PRDM11: variants seen among roughly 807,000 people sequenced by gnomAD.
The protein encoded by PRDM11 is PR/SET domain 11.
Under a neutral mutation model 97.8 loss-of-function variants are expected in PRDM11, and 20 were observed. That is an observed-to-expected ratio of 0.20 (90% CI 0.14 to 0.30). The LOEUF (loss-of-function observed/expected upper bound fraction) is 0.30, where lower values mean the gene tolerates loss of function less well. Among genes scored for constraint, PRDM11 ranks in the 10% least tolerant of loss-of-function variants. The pLI, the probability that PRDM11 is intolerant of heterozygous loss-of-function variation, is 1.00. For synonymous variants in PRDM11, 599 were observed against 637.7 expected, an observed-to-expected ratio of 0.94 and a Z score of 0.91; for missense variants, 1,139 against 1,555.2, an observed-to-expected ratio of 0.73 and a Z score of 4.50.
At chr11:45,167,022 C>T (rs556231333) in intron 1 of PRDM11, among the ~76,000 whole-genome samples, 1 of 152,290 alleles carries the variant, frequency 6.6e-6, no homozygotes, top group East Asian at 1.9e-4. Flanking sequence ...TTGTTTGTTA[C>T]TCTTGTGAGA....
intron 4 of PRDM11, among the ~76,000 whole-genome samples, chr11:45,194,547 A>G: frequency 7.1e-6 from 1 of 140,428 alleles, no homozygotes; most frequent in Non-Finnish European, 1.5e-5. Context: ...GTACTAAATG[A>G]TTTGTATATC....
At chr11:45,168,022 G>C (rs2135713984) in intron 1 of PRDM11, among the ~76,000 whole-genome samples, 1 of 152,348 alleles carries the variant, frequency 6.6e-6, no homozygotes, top group East Asian at 1.9e-4. Context: ...TTTCAGACAA[G>C]TTTCAGGAGA....
At chr11:45,104,838 T>A (rs576503252) in intron 1 of PRDM11, among the ~76,000 whole-genome samples, 1 of 152,260 alleles carries the variant, frequency 6.6e-6, no homozygotes, top group African/African-American at 2.4e-5. Flanking sequence ...GGGTTCTCGA[T>A]GCCTTGTGAT....
chr11:45,148,628 T>G (rs1190629215), intron 1 of PRDM11, among the ~76,000 whole-genome samples: 4 of 152,176 alleles, frequency 2.6e-5, no homozygotes, highest in Non-Finnish European at 4.4e-5. Flanking sequence ...ATGATAGCCA[T>G]CACCTCTGCA....
intron 1 of PRDM11, among the ~76,000 whole-genome samples, chr11:45,103,764 A>G (rs1004352274): frequency 4.7e-5 from 7 of 147,946 alleles, no homozygotes; most frequent in African/African-American, 1.7e-4. Flanking sequence ...TATAATATAT[A>G]ACATATATAT....
intron 1 of PRDM11, among the ~76,000 whole-genome samples, chr11:45,175,744 C>A (rs770747193): frequency 2.6e-5 from 4 of 152,098 alleles, no homozygotes; most frequent in Non-Finnish European, 5.9e-5. Flanking sequence ...GCCAAATTAC[C>A]CTCCAGAAAG....
chr11:45,178,083 G>A (rs748777737), intron 1 of PRDM11, among the ~76,000 whole-genome samples: 12 of 152,066 alleles, frequency 7.9e-5, no homozygotes, highest in Non-Finnish European at 1.6e-4. Context: ...ACAGGAAAAC[G>A]TTTATATGCC....
intron 1 of PRDM11, among the ~76,000 whole-genome samples, chr11:45,169,016 C>G (rs1187617762): frequency 6.6e-6 from 1 of 152,206 alleles, no homozygotes; most frequent in Non-Finnish European, 1.5e-5. Context: ...CTTCAGGGCC[C>G]TCTTCCACAG....
In PRDM11 at chr11:45,227,722, C is replaced by A. The variant is rs988604565; in HGVS notation, c.3097C>A (p.Pro1033Thr). The A allele has an allele frequency of 3.9e-6, 6 of 1,533,688 alleles. No individual in the cohort carries two copies. In the African/African-American group the frequency reaches 8.2e-5, roughly 21 times the overall value. ...GGATGTCTGTAGGGAAGGGCTGGAC[C>A]CCCGGGGTAGTCTGTTGATGGAGTG... is the stretch of plus-strand genomic sequence containing the variant. ...SRDVCREGLD[P>T]RGSLLMEWRE... Residue 1033 changes from proline (P) to threonine (T), a missense_variant, in exon 8 of 8, where the codon CCC (proline) becomes ACC (threonine). Pro to Thr is a conservative substitution (Grantham distance 38, BLOSUM62 -1). This residue lies in a region of PRDM11 where 710 missense variants were observed against 1,044.9 expected (regional missense o/e 0.68). Coordinates refer to ENST00000683152, the MANE Select transcript of PRDM11 (RefSeq NM_001384648.1). This position sits in a 1 kb window ranked among gnomAD's most constrained non-coding sequence, Gnocchi z 8.0.
intron 1 of PRDM11, among the ~76,000 whole-genome samples, chr11:45,171,053 T>G (rs1852190415): frequency 6.6e-6 from 1 of 152,120 alleles, no homozygotes; most frequent in Admixed American, 6.6e-5. Context: ...TCCTAGAAGT[T>G]GTAGGATTGA....
rs778489212 is a variant in PRDM11, at chr11:45,224,793, C to T, written c.1319C>T (p.Pro440Leu). The change falls in exon 7 of 8, where the codon CCC (proline) becomes CTC (leucine). Residue 440 changes from proline to leucine, a missense_variant. Physicochemically the swap from Pro to Leu is moderately conservative, Grantham distance 98. Around this residue, in one of 2 missense-constraint regions of PRDM11, gnomAD observed 710 missense variants for 1,044.9 expected, o/e 0.68. Transcript: ENST00000683152. The part of the protein sequence containing the change: ...MLKSGKLPEP[P>L]VLPPQVLELP... ...AAGTCTGGGAAACTTCCTGAGCCCC[C>T]CGTATTGCCACCACAGGTACTGGAG... is the stretch of plus-strand genomic sequence containing the variant. 1 of 1,614,200 alleles carries T rather than the reference C, an allele frequency of 6.2e-7. No individual in the cohort carries two copies. Among genetic ancestry groups the T allele is most frequent in the Non-Finnish European group, 8.5e-7 (1 of 1,180,038 alleles).
At chr11:45,186,023 G>A (rs1565302666) in intron 4 of PRDM11, among the ~76,000 whole-genome samples, 1 of 151,964 alleles carries the variant, frequency 6.6e-6, no homozygotes, top group Non-Finnish European at 1.5e-5. Flanking sequence ...GGCAGCTTCT[G>A]GAAGCCAGAA....
At chr11:45,098,521 C>T (rs1246130762) in intron 1 of PRDM11, among the ~76,000 whole-genome samples, 1 of 152,132 alleles carries the variant, frequency 6.6e-6, no homozygotes, top group Non-Finnish European at 1.5e-5. Flanking sequence ...TTCCACTTTA[C>T]AGGTGGGAAA....
chr11:45,176,408 T>C (rs935604983), intron 1 of PRDM11, among the ~76,000 whole-genome samples: 2 of 152,154 alleles, frequency 1.3e-5, no homozygotes, highest in African/African-American at 4.8e-5. Flanking sequence ...CATGTGCACA[T>C]CTGATGTCTG....
chr11:45,165,530 C>G (rs755411016), intron 1 of PRDM11, among the ~76,000 whole-genome samples: 1 of 152,294 alleles, frequency 6.6e-6, no homozygotes, highest in East Asian at 1.9e-4. Flanking sequence ...CCAGCCCAGG[C>G]GGGGGGCACA....
intron 1 of PRDM11, among the ~76,000 whole-genome samples, chr11:45,178,721 G>A (rs1467937294): frequency 1.3e-5 from 2 of 152,224 alleles, no homozygotes; most frequent in African/African-American, 4.8e-5. Flanking sequence ...TTCTCAGGGT[G>A]CAAAATTGAA....
chr11:45,172,878 T>A (rs1852235135), intron 1 of PRDM11, among the ~76,000 whole-genome samples: 1 of 152,172 alleles, frequency 6.6e-6, no homozygotes, highest in Non-Finnish European at 1.5e-5. Context: ...GAATGTGTGT[T>A]TCTTGTCCTA....
At chr11:45,095,845 G>A (rs191605984) in exon 1 of PRDM11, 6 of 778,326 alleles carry the variant, frequency 7.7e-6, no homozygotes, top group South Asian at 2.7e-5. Context: ...CCTGATGATC[G>A]TGGAGTGCCG....
intron 1 of PRDM11, among the ~76,000 whole-genome samples, chr11:45,101,302 A>C (rs1402910162): frequency 6.6e-6 from 1 of 152,184 alleles, no homozygotes; most frequent in African/African-American, 2.4e-5. Context: ...TCACGCCTGT[A>C]ATCCCAACAC....
Sources: allele counts gnomAD v4.1 joint callset (sites outside exome capture counted in the v4.1 genomes callset), GRCh38; gene constraint gnomAD v4.1.1; regional missense constraint gnomAD v4.1.1; non-coding constraint Gnocchi (gnomAD v3.1); transcripts MANE v1.5; gene names NCBI Gene and HGNC (gene_info 2026-07-23, HGNC 2026-07-21).